The following STK11IP variants were observed in gnomAD, a reference collection of about 807,000 sequenced individuals.
STK11IP encodes serine/threonine kinase 11 interacting protein.
In STK11IP, 103 loss-of-function variants were observed where a neutral mutation model predicts 131.7. The observed-to-expected ratio is 0.78, with a 90% CI of 0.67 to 0.92. The LOEUF is 0.92. STK11IP is among the 40% of genes least tolerant of loss of function. The pLI, the probability that STK11IP is intolerant of heterozygous loss-of-function variation, is 0.00. For missense variants in STK11IP, 1,315 were observed against 1,385.7 expected (o/e 0.95, Z 0.81); for synonymous variants, 557 against 575.6 (o/e 0.97, Z 0.46).
intron 22 of STK11IP, 22 bp downstream of exon 22, chr2:219,614,264 GCTGGGGTTGCTGCCCAATC>G: frequency 6.2e-7 from 1 of 1,611,310 alleles, no homozygotes; most frequent in South Asian, 1.1e-5. Context: ...GGAGGCAGAG[GCTGGGGTTGCTGCCCAATC>G]CTCTTTCCAC....
At chr2:219,612,377 G>A (rs1219326215) in intron 19 of STK11IP, among the ~76,000 whole-genome samples, 1 of 152,230 alleles carries the variant, frequency 6.6e-6, no homozygotes, top group African/African-American at 2.4e-5. Flanking sequence ...ATGTCGTTAG[G>A]CCTTTGTTGA....
In STK11IP at chr2:219,615,350, G is replaced by A; in HGVS notation, c.3117+9G>A. On this transcript the variant is annotated intron_variant, in intron 24 of 24. Transcript: ENST00000456909. The stretch of plus-strand genomic sequence containing the variant: ...TGCTCTTCTACGATGAGGTGTGTAT[G>A]TGTATCTCCAGTGAGAGGGAGGGAG... The A allele has an allele frequency of 6.3e-7, 1 of 1,591,890 alleles. No homozygotes were observed. Among genetic ancestry groups the A allele is most frequent in the Non-Finnish European group, 8.5e-7 (1 of 1,172,274 alleles).
chr2:219,605,455 A>G, intron 7 of STK11IP, 153 bp from the exon 8 acceptor site: 1 of 696,218 alleles, frequency 1.4e-6, no homozygotes, highest in Non-Finnish European at 2.4e-6. Context: ...CAAGTCTTTT[A>G]ACGTGGGAGT....
At chr2:219,615,572 C>A in intron 24 of STK11IP, 1 of 668,538 alleles carries the variant, frequency 1.5e-6, no homozygotes, top group Non-Finnish European at 2.7e-6. Context: ...GGAGCCCAGC[C>A]ATTTAGCTGG....
chr2:219,605,382 G>A (rs191685152), intron 7 of STK11IP: 30 of 449,772 alleles, frequency 6.7e-5, no homozygotes, highest in Non-Finnish European at 1.2e-4. Context: ...GGAATTTAAG[G>A]GGCTTGGAGT....
At chr2:219,608,911 C>A in intron 15 of STK11IP, 123 bp downstream of exon 15, 1 of 1,229,080 alleles carries the variant, frequency 8.1e-7, no homozygotes, top group Non-Finnish European at 1.1e-6. Flanking sequence ...AGGAGGGGAG[C>A]CTCAGAGGTT....
intron 17 of STK11IP, 32 bp from the exon 18 acceptor site, chr2:219,611,572 G>C: frequency 6.4e-7 from 1 of 1,552,886 alleles, no homozygotes; most frequent in South Asian, 1.1e-5. Context: ...TGTGGGGGGG[G>C]CTCATGGGGA....
rs1380801758 is a variant in STK11IP, at chr2:219,600,058, TG to T, written c.62-1176del. On this transcript the variant is annotated intron_variant, in intron 2 of 24. Transcript: ENST00000456909. ...CCCTTTGTGTTTTTTTTTTTGTTTT[TG>T]TTTTTTTTTTTTTTTTTTTTTGAGA... 5.3e-3 allele frequency among the ~76,000 whole-genome samples: 742 copies of T among 139,896 alleles called. 24 individuals are homozygous for T. Among genetic ancestry groups the T allele is most frequent in the African/African-American group, 0.021 (701 of 33,554 alleles). The allele number at this position is 139,896 out of a possible 152,430, so 91.8% of individuals were successfully genotyped here.
chr2:219,614,722 C>T (rs1299016943), intron 23 of STK11IP, 176 bp downstream of exon 23: 3 of 783,928 alleles, frequency 3.8e-6, no homozygotes, highest in South Asian at 2.9e-5. Flanking sequence ...CCCTGACCCT[C>T]TGGGTGGGGT....
chr2:219,602,813 G>T, intron 7 of STK11IP, 37 bp downstream of exon 7: 2 of 1,573,926 alleles, frequency 1.3e-6, no homozygotes, highest in Non-Finnish European at 1.7e-6. Flanking sequence ...CACACCATGG[G>T]TCTTTGATTG....
rs1234092356 is a variant in STK11IP at position 219,609,494 on chromosome 2, G to A, written c.2058G>A (p.Met686Ile). The A allele has an allele frequency of 1.3e-6, 2 of 1,598,018 alleles. No individual in the cohort carries two copies. Among genetic ancestry groups the A allele is most frequent in the South Asian group, 1.1e-5 (1 of 88,428 alleles). ...GHEFKPEEPR[M>I]GLDSEEGWRP... ...AGTTCAAGCCAGAGGAGCCCAGGAT[G>A]GGATTAGACAGTGAGGAAGGCTGGA... The change falls in exon 17 of 25, where the codon ATG becomes ATA. Residue 686 changes from methionine to isoleucine, a missense_variant. Met to Ile is a conservative substitution (Grantham distance 10, BLOSUM62 1). Transcript: ENST00000456909.
intron 7 of STK11IP, among the ~76,000 whole-genome samples, chr2:219,605,130 G>A (rs1023413406): frequency 6.6e-6 from 1 of 152,146 alleles, no homozygotes; most frequent in Non-Finnish European, 1.5e-5. Context: ...GCACCTGGCC[G>A]GCTGGGCATT....
chr2:219,608,480 G>A (rs1388758696), intron 14 of STK11IP, 50 bp downstream of exon 14: 2 of 1,532,690 alleles, frequency 1.3e-6, no homozygotes, highest in Admixed American at 2.0e-5. Context: ...CCCTTGGGAT[G>A]TTTGTGAGTG....
At chr2:219,610,526 G>A (rs930404149) in intron 17 of STK11IP, among the ~76,000 whole-genome samples, 7 of 151,762 alleles carry the variant, frequency 4.6e-5, no homozygotes, top group Non-Finnish European at 1.0e-4. Context: ...CCTCAGCCTC[G>A]CAAGTAGCTG....
At chr2:219,613,626 A>C in intron 20 of STK11IP, 126 bp from the exon 21 acceptor site, 1 of 914,082 alleles carries the variant, frequency 1.1e-6, no homozygotes, top group East Asian at 2.7e-5. Flanking sequence ...ATGAGGGGGA[A>C]GATGGGGTGT....
intron 15 of STK11IP, 38 bp downstream of exon 15, chr2:219,608,826 T>C: frequency 6.5e-7 from 1 of 1,543,832 alleles, no homozygotes; most frequent in East Asian, 2.4e-5. Context: ...AGGAGCCAGT[T>C]ATGGGAACAT....
chr2:219,601,905 C>T (rs957215900), intron 4 of STK11IP, 83 bp from the exon 5 acceptor site: 7 of 1,359,760 alleles, frequency 5.1e-6, no homozygotes, highest in Non-Finnish European at 7.2e-6. Flanking sequence ...GTGGTCTTCT[C>T]CCTCCTCCCA....
At position 219,602,034 on chromosome 2, in the gene STK11IP, A is replaced by C; in HGVS notation, c.389A>C (p.Tyr130Ser). The C allele has an allele frequency of 6.2e-7, 1 of 1,611,136 alleles. No individual in the cohort carries two copies. Among genetic ancestry groups the C allele is most frequent in the Non-Finnish European group, 8.5e-7 (1 of 1,179,026 alleles). ...LHCLHGLRGIYSQLETLICSR... is the reference protein window; with the variant it reads ...LHCLHGLRGISSQLETLICSR... ...TGTCTGCATGGCCTCCGAGGCATCT[A>C]CTCCCAGCTGGAGACCCTGATTTGC... Residue 130 changes from tyrosine (Y) to serine (S), a missense_variant, in exon 5 of 25, where the codon TAC becomes TCC. Transcript: ENST00000456909.
Position 219,616,409 on chromosome 2 carries a change from T to C in STK11IP, c.*216T>C. 1.8e-6 allele frequency: 1 copy of C among 567,268 alleles called. No homozygotes were observed. The highest frequency in any genetic ancestry group is 3.0e-6 in the Non-Finnish European group (1 of 330,076). The allele number at this position is 567,268 out of a possible 1,614,324, so 35.1% of individuals were successfully genotyped here. On this transcript the variant is annotated 3_prime_UTR_variant, in exon 25 of 25. Coordinates refer to ENST00000456909, the MANE Select transcript of STK11IP (RefSeq NM_052902.4). ...ACCTGGTCAGGAGGAATATTTTTCC[T>C]GCACTTTTTCTCAGGTATCAATAAA...
Sources: gnomAD v4.1 joint callset for allele counts (sites outside exome capture counted in the v4.1 genomes callset) on GRCh38, gnomAD v4.1.1 for gene constraint, MANE v1.5 for transcripts, NCBI Gene and HGNC (gene_info 2026-07-23, HGNC 2026-07-21) for gene names.